Variants in DENND1A observed in about 807,000 individuals in gnomAD.
DENND1A encodes DENN domain-containing protein 1A.
Under a neutral mutation model 113.7 loss-of-function variants are expected in DENND1A, and 51 were observed. The observed-to-expected ratio is 0.45, with a 90% CI of 0.36 to 0.57. DENND1A has a LOEUF of 0.57. DENND1A is among the 20% of genes least tolerant of loss of function. The pLI is 0.00. For synonymous variants in DENND1A, 565 were observed against 570.8 expected (o/e 0.99, Z 0.14); for missense variants, 1,258 against 1,395.9 (o/e 0.90, Z 1.57).
chr9:123,761,806 T>C (rs1564217211), intron 4 of DENND1A, among the ~76,000 whole-genome samples: 1 of 152,174 alleles, frequency 6.6e-6, no homozygotes, highest in Non-Finnish European at 1.5e-5. Flanking sequence ...TTTATCATTC[T>C]CTCTCTCCTA....
chr9:123,923,079 G>A (rs1856544588), intron 1 of DENND1A, among the ~76,000 whole-genome samples: 1 of 152,136 alleles, frequency 6.6e-6, no homozygotes, highest in South Asian at 2.1e-4. Context: ...TCTCCCTAGG[G>A]CCAGGAAAAA....
chr9:123,582,158 GA>G lies in DENND1A; in HGVS notation c.867+1010del, dbSNP rs531470345. 1.4e-3 allele frequency among the ~76,000 whole-genome samples: 220 copies of G among 152,176 alleles called. 1 individual carries two copies. The highest frequency in any genetic ancestry group is 5.3e-3 in the African/African-American group (219 of 41,536). On this transcript the variant is annotated intron_variant, in intron 12 of 23. Coordinates refer to ENST00000394215, the MANE Select transcript of DENND1A (RefSeq NM_001352964.2). ...CTCTACCATGTTCTAGATGGTCTAG[GA>G]AAAAAATGTAGGTTTGAAGTACCCC...
intron 13 of DENND1A, among the ~76,000 whole-genome samples, chr9:123,552,125 G>A (rs557816754): frequency 1.3e-5 from 2 of 151,016 alleles, no homozygotes; most frequent in South Asian, 2.1e-4. Flanking sequence ...TTCTTCAGAC[G>A]TGACTGCAGA....
chr9:123,617,695 C>T (rs373640338), intron 10 of DENND1A, among the ~76,000 whole-genome samples: 20 of 152,124 alleles, frequency 1.3e-4, no homozygotes, highest in Non-Finnish European at 1.9e-4. Context: ...AAGACCACTG[C>T]GGCAGGAGAA....
chr9:123,928,710 AGG>A (rs1478099369), intron 1 of DENND1A: 52 of 985,330 alleles, frequency 5.3e-5, no homozygotes, highest in Admixed American at 6.1e-5. Context: ...AGGCTGGGCA[AGG>A]GTCACACTGC....
chr9:123,457,830 A>C lies in DENND1A; in HGVS notation c.1061T>G (p.Phe354Cys). 1 of 1,612,710 alleles carries C rather than the reference A, an allele frequency of 6.2e-7. No individual in the cohort carries two copies. The highest frequency in any genetic ancestry group is 8.5e-7 in the Non-Finnish European group (1 of 1,179,472). ...SHYRSGAMRQ[F>C]LQNATQLQLF... ...CTGCAGCTGTGTGGCGTTCTGCAGG[A>C]ACTGCCTCATGGCTCCGGAGCGGTA... is the stretch of plus-strand genomic sequence containing the variant. Residue 354 changes from phenylalanine to cysteine, a missense_variant, in exon 14 of 24, where the codon TTC (phenylalanine) becomes TGC (cysteine). Transcript: ENST00000394215.
At chr9:123,710,748 C>T (rs1338864130) in intron 5 of DENND1A, among the ~76,000 whole-genome samples, 3 of 151,084 alleles carry the variant, frequency 2.0e-5, no homozygotes, top group African/African-American at 7.3e-5. Flanking sequence ...TCTTGACTCA[C>T]TGCAACCTCC....
intron 9 of DENND1A, among the ~76,000 whole-genome samples, chr9:123,646,546 CCA>C (rs2062342012): frequency 6.6e-6 from 1 of 152,080 alleles, no homozygotes; most frequent in Non-Finnish European, 1.5e-5. Flanking sequence ...TTGAAGGAAA[CCA>C]CAGTGTCGCC....
At chr9:123,450,586 G>A in intron 18 of DENND1A, 107 bp downstream of exon 18, 1 of 822,642 alleles carries the variant, frequency 1.2e-6, no homozygotes. Flanking sequence ...TTTGAAGTGT[G>A]TTAACAACAC....
intron 19 of DENND1A, among the ~76,000 whole-genome samples, chr9:123,436,678 T>C (rs1436267596): frequency 6.6e-6 from 1 of 152,220 alleles, no homozygotes; most frequent in East Asian, 1.9e-4. Context: ...TTTGCTCTTA[T>C]AAGCTGAGTG....
At chr9:123,738,913 T>C (rs1471525630) in intron 5 of DENND1A, among the ~76,000 whole-genome samples, 3 of 152,146 alleles carry the variant, frequency 2.0e-5, no homozygotes, top group African/African-American at 7.2e-5. Flanking sequence ...GGATTTGATG[T>C]GGCTATTACT....
intron 11 of DENND1A, among the ~76,000 whole-genome samples, chr9:123,607,160 C>T (rs1163909133): frequency 1.3e-5 from 2 of 152,070 alleles, no homozygotes; most frequent in Admixed American, 6.5e-5. Flanking sequence ...TGTGACTATG[C>T]ACTGAACTTT....
intron 13 of DENND1A, among the ~76,000 whole-genome samples, chr9:123,547,296 AAGGCAGGCAG>A (rs2056762600): frequency 6.6e-6 from 1 of 152,238 alleles, no homozygotes; most frequent in African/African-American, 2.4e-5. Flanking sequence ...TTGGGAGGCC[AAGGCAGGCAG>A]ATCACCTGAG....
intron 19 of DENND1A, among the ~76,000 whole-genome samples, chr9:123,421,095 G>T (rs376833758): frequency 1.4e-5 from 2 of 145,520 alleles, no homozygotes; most frequent in African/African-American, 5.2e-5. Context: ...TGTCGAGGGT[G>T]CCTGGGTGAC....
chr9:123,705,030 T>A (rs4836940), intron 5 of DENND1A, among the ~76,000 whole-genome samples: 27,886 of 151,532 alleles, frequency 0.18, 2,767 homozygotes, highest in African/African-American at 0.27. Context: ...ATGGTTGAGA[T>A]TGTTCCAGAA....
intron 21 of DENND1A, among the ~76,000 whole-genome samples, chr9:123,394,149 G>C (rs1447973830): frequency 1.3e-5 from 2 of 152,120 alleles, no homozygotes; most frequent in Non-Finnish European, 2.9e-5. Flanking sequence ...GTGCTACCAT[G>C]CCTGGCTATT....
chr9:123,420,920 G>A (rs969031389), intron 19 of DENND1A, among the ~76,000 whole-genome samples: 9 of 151,704 alleles, frequency 5.9e-5, no homozygotes, highest in East Asian at 5.9e-4. Context: ...TTAGTCGGGT[G>A]CAGGTGCACA....
chr9:123,719,982 G>A (rs182461637), intron 5 of DENND1A, among the ~76,000 whole-genome samples: 1 of 152,300 alleles, frequency 6.6e-6, no homozygotes, highest in African/African-American at 2.4e-5. Flanking sequence ...CAAGTCTGTG[G>A]CTTCAAAGCC....
intron 18 of DENND1A, among the ~76,000 whole-genome samples, chr9:123,449,688 T>C (rs1485247787): frequency 4.6e-5 from 7 of 152,190 alleles, no homozygotes; most frequent in Non-Finnish European, 1.0e-4. Flanking sequence ...TCAATGGCAC[T>C]TGCAGCAGCC....
Sources: gnomAD v4.1 joint callset for allele counts (sites outside exome capture counted in the v4.1 genomes callset) on GRCh38, gnomAD v4.1.1 for gene constraint, MANE v1.5 for transcripts, NCBI Gene and HGNC (gene_info 2026-07-23, HGNC 2026-07-21) for gene names.